The following SIPA1L2 variants were observed in gnomAD, a reference collection of about 807,000 sequenced individuals.
The protein encoded by SIPA1L2 is signal induced proliferation associated 1 like 2, also known as signal-induced proliferation-associated 1-like protein 2.
A neutral mutation model predicts 163.9 loss-of-function variants in SIPA1L2; 56 were observed. The ratio of observed to expected loss-of-function variants is 0.34; its 90% CI spans 0.28 to 0.43. The LOEUF is 0.43. Ranked by LOEUF, SIPA1L2 falls within the 20% of genes least tolerant of loss-of-function variation. The pLI, the probability that SIPA1L2 is intolerant of heterozygous loss-of-function variation, is 1.00. For missense variants in SIPA1L2, 1,974 were observed against 2,193.5 expected, an observed-to-expected ratio of 0.90 and a Z score of 2.00; for synonymous variants, 877 against 865.7, an observed-to-expected ratio of 1.01 and a Z score of -0.23.
chr1:232,628,831 G>T (rs1663215967), intron 1 of SIPA1L2, among the ~76,000 whole-genome samples: 1 of 152,050 alleles, frequency 6.6e-6, no homozygotes, highest in Non-Finnish European at 1.5e-5. Context: ...GCAGACAAAA[G>T]AGGCAAAGAA....
intron 10 of SIPA1L2, among the ~76,000 whole-genome samples, chr1:232,458,725 T>C (rs1054481039): frequency 2.2e-4 from 34 of 152,210 alleles, no homozygotes; most frequent in Non-Finnish European, 4.4e-4. Flanking sequence ...GAAATCTTAC[T>C]GTATGAAAAA....
At chr1:232,576,387 T>C (rs561332481) in intron 1 of SIPA1L2, among the ~76,000 whole-genome samples, 4 of 152,356 alleles carry the variant, frequency 2.6e-5, no homozygotes, top group African/African-American at 7.2e-5. Flanking sequence ...ATGGAACTAG[T>C]GTAACTGTTC....
At chr1:232,468,476 T>C (rs1176187153) in intron 8 of SIPA1L2, among the ~76,000 whole-genome samples, 2 of 152,156 alleles carry the variant, frequency 1.3e-5, no homozygotes, top group Admixed American at 6.5e-5. Context: ...ACTACACTAA[T>C]CCTTCAGTGC....
chr1:232,615,113 T>C (rs977238557), intron 1 of SIPA1L2, among the ~76,000 whole-genome samples: 1 of 152,188 alleles, frequency 6.6e-6, no homozygotes, highest in Non-Finnish European at 1.5e-5. Flanking sequence ...CTACACATCC[T>C]TGGAAACCAC....
intron 15 of SIPA1L2, among the ~76,000 whole-genome samples, chr1:232,435,478 T>C (rs1476654535): frequency 1.3e-5 from 2 of 152,180 alleles, no homozygotes; most frequent in Admixed American, 6.5e-5. Flanking sequence ...AAACTTTTCA[T>C]GAATTCTTTC....
intron 2 of SIPA1L2, among the ~76,000 whole-genome samples, chr1:232,563,746 G>A (rs1027356295): frequency 1.8e-4 from 27 of 152,052 alleles, no homozygotes; most frequent in African/African-American, 5.8e-4. Flanking sequence ...ACGGAGTCTC[G>A]CTCTGTTGCC....
rs767369759 is a variant in SIPA1L2 at position 232,491,093 on chromosome 1, A to G, written c.1618-31T>C. The G allele has an allele frequency of 3.2e-6, 5 of 1,582,864 alleles. No homozygotes were observed. The East Asian group carries it at 9.1e-5, about 29-fold the overall frequency. On this transcript the variant is annotated intron_variant, in intron 4 of 22. Transcript: ENST00000674635. ...GTGACAAAACATAAGACTTCGGTTA[A>G]TATTGATTCTCAATTACCTACTCAC...
At chr1:232,413,102 C>T (rs570226419) in intron 19 of SIPA1L2, among the ~76,000 whole-genome samples, 5 of 152,182 alleles carry the variant, frequency 3.3e-5, no homozygotes, top group Non-Finnish European at 5.9e-5. Flanking sequence ...GATAATGAAA[C>T]CACAGAACTA....
intron 18 of SIPA1L2, among the ~76,000 whole-genome samples, chr1:232,419,506 G>A (rs961017057): frequency 6.6e-6 from 1 of 152,166 alleles, no homozygotes; most frequent in African/African-American, 2.4e-5. Context: ...ATCCCTCATG[G>A]CTTGATGCTA....
At chr1:232,436,310 A>T (rs747303096) in intron 15 of SIPA1L2, among the ~76,000 whole-genome samples, 29 of 152,172 alleles carry the variant, frequency 1.9e-4, no homozygotes, top group Admixed American at 9.2e-4. Flanking sequence ...CAGTGAGGAG[A>T]AGGTGGCGAT....
Position 232,402,385 on chromosome 1 carries a change from TG to T in SIPA1L2, c.5022+6del. The T allele has an allele frequency of 6.2e-7, 1 of 1,612,006 alleles. No homozygotes were observed. The highest frequency in any genetic ancestry group is 1.1e-5 in the South Asian group (1 of 90,886). On this transcript the variant is annotated splice_donor_region_variant and intron_variant, in intron 22 of 22. Transcript: ENST00000674635. Reference sequence around the variant, plus strand: ...ACAGTTCTGATTATGCTCTTCCAATTGATTACCTTCCGAAGGTCGGTCTGGA... The same window carrying T: ...ACAGTTCTGATTATGCTCTTCCAATTATTACCTTCCGAAGGTCGGTCTGGA...
At chr1:232,467,373 G>A (rs1664578266) in intron 8 of SIPA1L2, among the ~76,000 whole-genome samples, 1 of 152,140 alleles carries the variant, frequency 6.6e-6, no homozygotes, top group Non-Finnish European at 1.5e-5. Context: ...AAACATCACA[G>A]AGGTTGACAC....
At chr1:232,556,311 G>C (rs1406591602) in intron 2 of SIPA1L2, among the ~76,000 whole-genome samples, 1 of 152,188 alleles carries the variant, frequency 6.6e-6, no homozygotes. Flanking sequence ...GTTTTCTGTT[G>C]TTGCTGCTGC....
Position 232,467,912 on chromosome 1 carries a change from T to C in SIPA1L2, c.2244-2496A>G, listed in dbSNP as rs192279804. On this transcript the variant is annotated intron_variant, in intron 8 of 22. Transcript: ENST00000674635. ...GAGACATGGTGACTCCATTATATAG[T>C]AGGGAAATTTTTTGTGTATCCAATT... is the stretch of plus-strand genomic sequence containing the variant. 2.6e-5 allele frequency among the ~76,000 whole-genome samples: 4 copies of C among 152,342 alleles called. No individual in the cohort carries two copies. In the East Asian group the frequency reaches 7.7e-4, roughly 29 times the overall value.
At chr1:232,619,155 T>C (rs952438966) in intron 1 of SIPA1L2, among the ~76,000 whole-genome samples, 1 of 152,234 alleles carries the variant, frequency 6.6e-6, no homozygotes, top group Non-Finnish European at 1.5e-5. Context: ...ATGTATCTTC[T>C]GGTCTTGGAG....
chr1:232,440,390 A>G (rs1662817949), intron 14 of SIPA1L2, among the ~76,000 whole-genome samples: 6 of 152,210 alleles, frequency 3.9e-5, no homozygotes, highest in Admixed American at 3.9e-4. Context: ...TCAGATCCTT[A>G]AGCAAATCAC....
At chr1:232,547,308 G>A (rs1156742637) in intron 2 of SIPA1L2, among the ~76,000 whole-genome samples, 2 of 151,816 alleles carry the variant, frequency 1.3e-5, no homozygotes, top group African/African-American at 2.4e-5. Flanking sequence ...TGGTATATAC[G>A]GGTCTTTCCC....
intron 1 of SIPA1L2, among the ~76,000 whole-genome samples, chr1:232,620,037 G>A (rs1046505358): frequency 6.6e-6 from 1 of 152,000 alleles, no homozygotes; most frequent in Non-Finnish European, 1.5e-5. Flanking sequence ...GGCACGCGCT[G>A]CCAAGCCTGG....
At chr1:232,571,542 C>T (rs1659729053) in intron 2 of SIPA1L2, among the ~76,000 whole-genome samples, 1 of 152,156 alleles carries the variant, frequency 6.6e-6, no homozygotes, top group Admixed American at 6.6e-5. Flanking sequence ...ATGAAGTTTG[C>T]CTAAAATCGT....
Sources: allele counts gnomAD v4.1 joint callset (sites outside exome capture counted in the v4.1 genomes callset), GRCh38; gene constraint gnomAD v4.1.1; transcripts MANE v1.5; gene names NCBI Gene and HGNC (gene_info 2026-07-23, HGNC 2026-07-21).